The following MEIKIN variants were observed in gnomAD, a reference collection of about 807,000 sequenced individuals.
MEIKIN encodes the protein meiosis-specific kinetochore protein.
chr5:131,810,993 A>T (rs2149600018), intron 12 of MEIKIN, among the ~76,000 whole-genome samples: 1 of 152,326 alleles, frequency 6.6e-6, no homozygotes, highest in African/African-American at 2.4e-5. Context: ...ATCACTAGTT[A>T]GCTTGGTGCT....
At position 131,850,706 on chromosome 5, in the gene MEIKIN, C is replaced by T. The variant is rs536809928; in HGVS notation, c.975+558G>A. Among the ~76,000 whole-genome samples the T allele has an allele frequency of 9.9e-5, 15 of 151,860 alleles. No homozygotes were observed. The South Asian group carries it at 3.1e-3, about 32-fold the overall frequency. On this transcript the variant is annotated intron_variant, in intron 11 of 12. Transcript: ENST00000442687. ...TGGATCAATGACCTAAATACAAGAC[C>T]TAAAACAAAAAAAAATTGAAGAAAA...
chr5:131,927,212 T>C (rs535337270), intron 5 of MEIKIN, among the ~76,000 whole-genome samples: 1 of 152,246 alleles, frequency 6.6e-6, no homozygotes, highest in East Asian at 1.9e-4. Flanking sequence ...ATTTCCCTTT[T>C]GATTTCTTCT....
intron 12 of MEIKIN, among the ~76,000 whole-genome samples, chr5:131,810,598 T>C (rs1200403354): frequency 2.0e-5 from 3 of 152,220 alleles, no homozygotes; most frequent in Admixed American, 6.5e-5. Context: ...CTGGAATCAC[T>C]TTCAAAATGC....
At chr5:131,808,862 GCC>G (rs1223103983) in intron 12 of MEIKIN, among the ~76,000 whole-genome samples, 2 of 152,066 alleles carry the variant, frequency 1.3e-5, no homozygotes, top group African/African-American at 2.4e-5. Flanking sequence ...GATTGCTTGA[GCC>G]CAGGAGTACG....
Position 131,939,800 on chromosome 5 carries a change from T to C in MEIKIN, c.349+2835A>G, listed in dbSNP as rs1751838567. Among the ~76,000 whole-genome samples the C allele has an allele frequency of 2.0e-5, 3 of 152,218 alleles. No individual in the cohort carries two copies. In the East Asian group the frequency reaches 5.8e-4, roughly 29 times the overall value. ...AGTTAGAGACAACTAATTTTCTATT[T>C]CCTTATACCTTTCACGTGTCAACTT... On this transcript the variant is annotated intron_variant, in intron 4 of 12. Transcript: ENST00000442687.
chr5:131,923,061 T>A lies in MEIKIN; in HGVS notation c.479-1120A>T, dbSNP rs191568231. On this transcript the variant is annotated intron_variant, in intron 5 of 12. Transcript: ENST00000442687. ...CATCCACCACCACACCCGGCTAATATTTTATTTGTGTAGAGACAGTTTCGC... is the reference window on the plus strand; with the variant it reads ...CATCCACCACCACACCCGGCTAATAATTTATTTGTGTAGAGACAGTTTCGC... 7.7e-3 allele frequency among the ~76,000 whole-genome samples: 1,179 copies of A among 152,282 alleles called. 8 individuals are homozygous for A. The highest frequency in any genetic ancestry group is 0.011 in the Non-Finnish European group (782 of 68,024).
intron 11 of MEIKIN, among the ~76,000 whole-genome samples, chr5:131,822,721 G>C (rs1749536415): frequency 6.6e-6 from 1 of 152,136 alleles, no homozygotes; most frequent in African/African-American, 2.4e-5. Context: ...TACACACTGT[G>C]ATAACAATGT....
At chr5:131,842,145 T>C (rs10057899) in intron 11 of MEIKIN, among the ~76,000 whole-genome samples, 12,656 of 152,156 alleles carry the variant, frequency 0.083, 1,123 homozygotes, top group African/African-American at 0.23. Context: ...TTTTGTATTT[T>C]TAGTAGAGAT....
At chr5:131,825,113 T>C (rs1344136560) in intron 11 of MEIKIN, among the ~76,000 whole-genome samples, 1 of 152,040 alleles carries the variant, frequency 6.6e-6, no homozygotes, top group African/African-American at 2.4e-5. Context: ...GGTGGGAGGA[T>C]CACTTTAACC....
chr5:131,873,020 A>G (rs2149625725), intron 9 of MEIKIN, among the ~76,000 whole-genome samples: 1 of 152,310 alleles, frequency 6.6e-6, no homozygotes, highest in Non-Finnish European at 1.5e-5. Context: ...GAAAGGAACA[A>G]CTGGTACCAG....
chr5:131,813,916 C>T (rs1441116058), intron 12 of MEIKIN, among the ~76,000 whole-genome samples: 2 of 152,112 alleles, frequency 1.3e-5, no homozygotes, highest in African/African-American at 2.4e-5. Flanking sequence ...TCTGCAAGCT[C>T]AGGAGCAAGG....
At chr5:131,827,109 T>TG (rs1266947992) in intron 11 of MEIKIN, among the ~76,000 whole-genome samples, 1 of 152,196 alleles carries the variant, frequency 6.6e-6, no homozygotes, top group Non-Finnish European at 1.5e-5. Flanking sequence ...CTCAGCCTTC[T>TG]GAGTAGCTAG....
intron 11 of MEIKIN, among the ~76,000 whole-genome samples, chr5:131,843,523 C>T (rs938969768): frequency 1.3e-5 from 2 of 152,236 alleles, no homozygotes; most frequent in African/African-American, 2.4e-5. Flanking sequence ...TTAAAAATTT[C>T]TCCCACCAGA....
intron 8 of MEIKIN, among the ~76,000 whole-genome samples, chr5:131,897,532 G>A (rs145025650): frequency 0.22 from 33,226 of 152,080 alleles, 3,858 homozygotes; most frequent in East Asian, 0.49. Context: ...CCAGTCAAAC[G>A]TAGATTTGGT....
At chr5:131,831,829 A>C (rs966251443) in intron 11 of MEIKIN, among the ~76,000 whole-genome samples, 3 of 152,050 alleles carry the variant, frequency 2.0e-5, no homozygotes, top group Admixed American at 2.0e-4. Flanking sequence ...AAATGCAGAA[A>C]CCCCTGATAA....
chr5:131,878,293 C>T (rs755218826), intron 9 of MEIKIN, among the ~76,000 whole-genome samples: 1 of 152,130 alleles, frequency 6.6e-6, no homozygotes, highest in Non-Finnish European at 1.5e-5. Flanking sequence ...GTTGGCTGGG[C>T]GCGGTGGCTC....
intron 12 of MEIKIN, among the ~76,000 whole-genome samples, chr5:131,811,270 G>A (rs1048124784): frequency 1.3e-5 from 2 of 151,934 alleles, no homozygotes; most frequent in Non-Finnish European, 2.9e-5. Context: ...AATATCTAAC[G>A]TCAGAAACTA....
intron 8 of MEIKIN, among the ~76,000 whole-genome samples, chr5:131,886,220 A>G (rs1750792631): frequency 6.6e-6 from 1 of 152,208 alleles, no homozygotes; most frequent in Admixed American, 6.5e-5. Flanking sequence ...AACAGGAGGT[A>G]GAGAAAAAGA....
chr5:131,873,651 A>G lies in MEIKIN; in HGVS notation c.774+5327T>C, dbSNP rs556158887. 1.4e-3 allele frequency among the ~76,000 whole-genome samples: 219 copies of G among 152,322 alleles called. 1 individual carries two copies. The highest frequency in any genetic ancestry group is 0.014 in the Middle Eastern group (4 of 294). On this transcript the variant is annotated intron_variant, in intron 9 of 12. Transcript: ENST00000442687. Reference sequence around the variant, plus strand: ...ACTCAGCTATGCACCAAGCGGACCTAATAGACATCTACAGAAATCTCCACC... The same window carrying G: ...ACTCAGCTATGCACCAAGCGGACCTGATAGACATCTACAGAAATCTCCACC...
Sources: allele counts gnomAD v4.1 joint callset (sites outside exome capture counted in the v4.1 genomes callset), GRCh38; gene constraint gnomAD v4.1.1; transcripts MANE v1.5; gene names NCBI Gene and HGNC (gene_info 2026-07-23, HGNC 2026-07-21).